Variants in TEX29 observed in about 807,000 individuals in gnomAD.
The protein encoded by TEX29 is testis-expressed protein 29.
TEX29 carries 26 observed loss-of-function variants against 18.2 expected under a neutral mutation model. The ratio of observed to expected loss-of-function variants is 1.43; its 90% CI spans 1.04 to 1.98. The LOEUF (loss-of-function observed/expected upper bound fraction) is 1.98, where lower values mean the gene tolerates loss of function less well. Ranked by LOEUF, TEX29 falls within the 30% of genes most tolerant of loss-of-function variation. The pLI is 0.00. For missense variants in TEX29, 177 were observed against 194.2 expected, an observed-to-expected ratio of 0.91 and a Z score of 0.53; for synonymous variants, 83 against 78.5, an observed-to-expected ratio of 1.06 and a Z score of -0.31.
chr13:111,338,094 C>T (rs373547632), intron 3 of TEX29, among the ~76,000 whole-genome samples: 2 of 149,964 alleles, frequency 1.3e-5, no homozygotes, highest in African/African-American at 4.8e-5. Context: ...CTCATGTGCC[C>T]AGGAGGCCAC....
intron 2 of TEX29, among the ~76,000 whole-genome samples, chr13:111,322,126 G>T (rs375915227): frequency 6.6e-6 from 1 of 152,200 alleles, no homozygotes; most frequent in East Asian, 1.9e-4. Context: ...GGAATGTGTG[G>T]CATCTGCCAG....
intron 3 of TEX29, among the ~76,000 whole-genome samples, chr13:111,328,548 C>T (rs372373892): frequency 2.0e-5 from 3 of 151,938 alleles, no homozygotes; most frequent in Non-Finnish European, 4.4e-5. Context: ...AGGGCATGGA[C>T]GGGGACAAAT....
At position 111,326,675 on chromosome 13, in the gene TEX29, C is replaced by T. The variant is rs550454542; in HGVS notation, c.59-1508C>T. On this transcript the variant is annotated intron_variant, in intron 2 of 5. Coordinates refer to ENST00000283547, the MANE Select transcript of TEX29 (RefSeq NM_152324.3). ...AGCCTGTCTGGTGGGGTGGAGACTG[C>T]GGGCAACGTGAGCCTGGCGCTGGCG... 8.5e-4 allele frequency among the ~76,000 whole-genome samples: 114 copies of T among 134,642 alleles called. 1 individual carries two copies. Among genetic ancestry groups the T allele is most frequent in the African/African-American group, 2.9e-3 (101 of 35,164 alleles). The allele number at this position is 134,642 out of a possible 152,430, so 88.3% of individuals were successfully genotyped here. A position where few individuals can be genotyped will look rare whatever the true frequency, so the allele number is the denominator to read the frequency against.
upstream of TEX29, among the ~76,000 whole-genome samples, chr13:111,318,667 G>T (rs1595681050): frequency 6.6e-6 from 1 of 152,204 alleles, no homozygotes; most frequent in South Asian, 2.1e-4. Flanking sequence ...TTCTCCAGCC[G>T]ACTGCTGCCC....
At chr13:111,342,576 A>AG (rs1555412714) in intron 4 of TEX29, among the ~76,000 whole-genome samples, 180 bp from the exon 5 acceptor site, 13 of 149,910 alleles carry the variant, frequency 8.7e-5, no homozygotes, top group African/African-American at 3.2e-4. Flanking sequence ...AAAAAAAAAA[A>AG]AGAGAGAGAG....
chr13:111,326,067 G>T (rs913330322), intron 2 of TEX29, among the ~76,000 whole-genome samples: 1 of 152,240 alleles, frequency 6.6e-6, no homozygotes, highest in African/African-American at 2.4e-5. Context: ...GAAGCCAGAG[G>T]TCTCTGTGGA....
At chr13:111,333,821 G>T (rs2093686009) in intron 3 of TEX29, among the ~76,000 whole-genome samples, 2 of 152,194 alleles carry the variant, frequency 1.3e-5, no homozygotes, top group African/African-American at 4.8e-5. Flanking sequence ...CGGATCTTGT[G>T]AGAACTCAGT....
At chr13:111,339,584 C>A in intron 3 of TEX29, 1 of 546,314 alleles carries the variant, frequency 1.8e-6, no homozygotes, top group Non-Finnish European at 3.3e-6. Context: ...TCCATGCACT[C>A]CCGGGGGTCA....
At chr13:111,340,156 ACC>A (rs2093695693) in intron 4 of TEX29, among the ~76,000 whole-genome samples, 2 of 150,618 alleles carry the variant, frequency 1.3e-5, no homozygotes, top group African/African-American at 4.9e-5. Context: ...TTTAGTGAGC[ACC>A]TGTGCTTGTT....
chr13:111,327,993 T>G (rs1004265081), intron 2 of TEX29, among the ~76,000 whole-genome samples, 190 bp from the exon 3 acceptor site: 3 of 152,254 alleles, frequency 2.0e-5, no homozygotes, highest in Admixed American at 6.5e-5. Flanking sequence ...TGACATTATT[T>G]TGCTCAGAAA....
At chr13:111,320,988 G>GGGGGT in intron 2 of TEX29, 40 bp downstream of exon 2, 2 of 431,430 alleles carry the variant, frequency 4.6e-6, no homozygotes, top group East Asian at 6.6e-5. Flanking sequence ...TGGGGTGGGG[G>GGGGGT]AGCAGTTGGG....
rs868696593 is a variant in TEX29, at chr13:111,339,897, C to A, written c.204C>A (p.Ile68=). 7 of 1,611,544 alleles carry A rather than the reference C, an allele frequency of 4.3e-6. No homozygotes were observed. The Middle Eastern group carries it at 9.9e-4, about 229-fold the overall frequency. The part of the protein sequence containing the change: ...YIHVFSALIV[I]IAGAFVITII... The stretch of plus-strand genomic sequence containing the variant: ...ACGTGTTCTCTGCCTTGATTGTGAT[C>A]ATCGCTGGGGCCTTCGTCATCACCA... Residue 68 remains isoleucine, a synonymous_variant, in exon 4 of 6, where the codon ATC becomes ATA. Coordinates refer to ENST00000283547, the MANE Select transcript of TEX29 (RefSeq NM_152324.3).
intron 2 of TEX29, among the ~76,000 whole-genome samples, chr13:111,326,045 C>G (rs2093672358): frequency 6.6e-6 from 1 of 152,222 alleles, no homozygotes. Flanking sequence ...ACTGTGGAGA[C>G]AGCAGGACCC....
intron 3 of TEX29, among the ~76,000 whole-genome samples, chr13:111,338,019 G>A: frequency 6.6e-6 from 1 of 152,120 alleles, no homozygotes; most frequent in East Asian, 1.9e-4. Flanking sequence ...AGAATCCTGG[G>A]CACCTCATCC....
chr13:111,330,201 CG>C (rs1335355325), intron 3 of TEX29, among the ~76,000 whole-genome samples: 2 of 152,186 alleles, frequency 1.3e-5, no homozygotes, highest in Non-Finnish European at 2.9e-5. Context: ...GTCCTACAGA[CG>C]TAAAGCCTTA....
chr13:111,320,133 T>G (rs2093661434), upstream of TEX29, among the ~76,000 whole-genome samples: 1 of 152,168 alleles, frequency 6.6e-6, no homozygotes, highest in East Asian at 1.9e-4. Context: ...CCTTCCTCCC[T>G]GGAGGCCGCC....
chr13:111,335,547 G>A (rs1165576099), intron 3 of TEX29, among the ~76,000 whole-genome samples: 1 of 152,196 alleles, frequency 6.6e-6, no homozygotes, highest in Non-Finnish European at 1.5e-5. Flanking sequence ...TGCTCACGTT[G>A]CACATGCAGA....
intron 3 of TEX29, among the ~76,000 whole-genome samples, chr13:111,330,472 C>T (rs933176289): frequency 1.3e-5 from 2 of 152,220 alleles, no homozygotes; most frequent in African/African-American, 4.8e-5. Flanking sequence ...GGACCAGACC[C>T]CTCGCTGTCC....
At chr13:111,335,955 C>T (rs992152640) in intron 3 of TEX29, among the ~76,000 whole-genome samples, 7 of 152,164 alleles carry the variant, frequency 4.6e-5, no homozygotes, top group Non-Finnish European at 8.8e-5. Flanking sequence ...TAAGTGTTGG[C>T]ATGTATGTCG....
Sources: allele counts gnomAD v4.1 joint callset (sites outside exome capture counted in the v4.1 genomes callset), GRCh38; gene constraint gnomAD v4.1.1; transcripts MANE v1.5; gene names NCBI Gene and HGNC (gene_info 2026-07-23, HGNC 2026-07-21).